GMDS: variants seen among roughly 807,000 people sequenced by gnomAD.
The protein encoded by GMDS is GDP-mannose 4,6 dehydratase.
GMDS carries 20 observed loss-of-function variants against 49.9 expected under a neutral mutation model. The ratio of observed to expected loss-of-function variants is 0.40; its 90% CI spans 0.28 to 0.58. GMDS has a LOEUF of 0.58. Ranked by LOEUF, GMDS falls within the 20% of genes least tolerant of loss-of-function variation. GMDS has a pLI of 0.42. For synonymous variants in GMDS, 177 were observed against 178.6 expected (o/e 0.99, Z 0.07); for missense variants, 362 against 481.4 (o/e 0.75, Z 2.32).
intron 6 of GMDS, among the ~76,000 whole-genome samples, chr6:1,942,732 T>C (rs1762878133): frequency 6.6e-6 from 1 of 152,236 alleles, no homozygotes. Context: ...TGGTTCCAGC[T>C]GTCCCTGAAA....
At chr6:1,996,055 C>CTTCTT (rs992795731) in intron 4 of GMDS, among the ~76,000 whole-genome samples, 88 of 152,192 alleles carry the variant, frequency 5.8e-4, no homozygotes, top group African/African-American at 1.9e-3. Flanking sequence ...GGGATAGCCT[C>CTTCTT]TTCTTTTCTT....
At chr6:2,133,109 G>T (rs1379975875) in intron 1 of GMDS, among the ~76,000 whole-genome samples, 2 of 152,134 alleles carry the variant, frequency 1.3e-5, no homozygotes, top group African/African-American at 4.8e-5. Flanking sequence ...TCACTCGAGT[G>T]ATTTATAGAG....
At chr6:2,001,790 G>A (rs1766832825) in intron 4 of GMDS, among the ~76,000 whole-genome samples, 1 of 152,206 alleles carries the variant, frequency 6.6e-6, no homozygotes, top group African/African-American at 2.4e-5. Context: ...CAGTGGGAAA[G>A]AGTAGTCTTT....
At chr6:1,911,130 A>G (rs1253034508) in intron 7 of GMDS, among the ~76,000 whole-genome samples, 2 of 149,204 alleles carry the variant, frequency 1.3e-5, no homozygotes, top group Non-Finnish European at 3.0e-5. Context: ...TGGGTAATAG[A>G]CAGGGCCCTC....
chr6:2,131,371 G>C (rs1056832552), intron 1 of GMDS, among the ~76,000 whole-genome samples: 2 of 152,070 alleles, frequency 1.3e-5, no homozygotes, highest in Non-Finnish European at 2.9e-5. Context: ...ATGATTAGGA[G>C]AAAAACAGCA....
At chr6:1,978,519 T>C (rs1759750389) in intron 4 of GMDS, among the ~76,000 whole-genome samples, 1 of 152,124 alleles carries the variant, frequency 6.6e-6, no homozygotes, top group Non-Finnish European at 1.5e-5. Context: ...CAGGACTCCG[T>C]TATACTCCTC....
At chr6:1,855,787 A>G (rs1757912808) in intron 7 of GMDS, among the ~76,000 whole-genome samples, 1 of 152,232 alleles carries the variant, frequency 6.6e-6, no homozygotes, top group South Asian at 2.1e-4. Context: ...AAATGGAAAC[A>G]TTTGAAAATG....
intron 9 of GMDS, among the ~76,000 whole-genome samples, chr6:1,700,271 C>T (rs528907080): frequency 5.2e-4 from 79 of 152,246 alleles, no homozygotes; most frequent in African/African-American, 1.8e-3. Context: ...AATTACTCTG[C>T]GAAAGTTTTT....
chr6:1,897,548 G>T (rs935176200), intron 7 of GMDS, among the ~76,000 whole-genome samples: 1 of 152,114 alleles, frequency 6.6e-6, no homozygotes, highest in Non-Finnish European at 1.5e-5. Context: ...TGGACAAATT[G>T]TATATCTTGC....
At chr6:2,061,246 C>T (rs986974809) in intron 4 of GMDS, among the ~76,000 whole-genome samples, 2 of 152,046 alleles carry the variant, frequency 1.3e-5, no homozygotes, top group East Asian at 1.9e-4. Context: ...GCTTGTTCAC[C>T]GCCTTTACCA....
intron 6 of GMDS, among the ~76,000 whole-genome samples, chr6:1,950,697 T>C (rs1222508990): frequency 6.6e-6 from 1 of 152,242 alleles, no homozygotes; most frequent in Non-Finnish European, 1.5e-5. Flanking sequence ...AAGAATTTAC[T>C]GTAAAGTAAA....
intron 1 of GMDS, among the ~76,000 whole-genome samples, chr6:2,227,677 C>A (rs781478547): frequency 1.3e-5 from 2 of 152,112 alleles, no homozygotes; most frequent in African/African-American, 4.8e-5. Context: ...TAGGAAGGAG[C>A]GGGCAGGCCA....
At chr6:1,848,109 T>G (rs1757496532) in intron 7 of GMDS, among the ~76,000 whole-genome samples, 1 of 151,998 alleles carries the variant, frequency 6.6e-6, no homozygotes, top group Non-Finnish European at 1.5e-5. Flanking sequence ...ACAAATCATC[T>G]CAATTTCCAA....
chr6:1,899,485 G>A (rs558759465), intron 7 of GMDS, among the ~76,000 whole-genome samples: 71 of 152,310 alleles, frequency 4.7e-4, no homozygotes, highest in Non-Finnish European at 7.4e-4. Flanking sequence ...AACTTTTTAA[G>A]GAGTAGACTC....
At chr6:1,631,875 C>T (rs957570508) in intron 9 of GMDS, among the ~76,000 whole-genome samples, 3 of 152,178 alleles carry the variant, frequency 2.0e-5, no homozygotes, top group African/African-American at 7.2e-5. Flanking sequence ...AAGATTAAGA[C>T]AATTACTGTG....
intron 7 of GMDS, among the ~76,000 whole-genome samples, chr6:1,775,990 C>T (rs1768816405): frequency 6.6e-6 from 1 of 152,114 alleles, no homozygotes; most frequent in South Asian, 2.1e-4. Flanking sequence ...TTCTACTGAG[C>T]AATACAATGG....
intron 7 of GMDS, among the ~76,000 whole-genome samples, chr6:1,810,683 T>G (rs1770382389): frequency 6.6e-6 from 1 of 151,812 alleles, no homozygotes; most frequent in Admixed American, 6.6e-5. Context: ...AGAGGGAAGG[T>G]TGGCAGGGGT....
At chr6:1,923,114 C>T (rs549313952) in intron 7 of GMDS, among the ~76,000 whole-genome samples, 4 of 152,168 alleles carry the variant, frequency 2.6e-5, no homozygotes, top group East Asian at 1.9e-4. Flanking sequence ...TCCCCAGCCA[C>T]GTGGAACTGT....
intron 4 of GMDS, among the ~76,000 whole-genome samples, chr6:2,010,470 T>C (rs191152029): frequency 6.6e-6 from 1 of 151,998 alleles, no homozygotes; most frequent in Non-Finnish European, 1.5e-5. Context: ...ATGAGATTAC[T>C]TGTCAAAATG....
Sources: allele counts gnomAD v4.1 joint callset (sites outside exome capture counted in the v4.1 genomes callset), GRCh38; gene constraint gnomAD v4.1.1; transcripts MANE v1.5; gene names NCBI Gene and HGNC (gene_info 2026-07-23, HGNC 2026-07-21).